CACNA1I: variants seen among roughly 807,000 people sequenced by gnomAD.
The protein encoded by CACNA1I is calcium voltage-gated channel subunit alpha1 I.
In CACNA1I, 74 loss-of-function variants were observed where a neutral mutation model predicts 201.6. That is an observed-to-expected ratio of 0.37 (90% CI 0.30 to 0.45). CACNA1I has a LOEUF of 0.45. CACNA1I is among the 20% of genes least tolerant of loss of function. The pLI is 1.00. For synonymous variants in CACNA1I, 1,431 were observed against 1,345.2 expected, an observed-to-expected ratio of 1.06 and a Z score of -1.40; for missense variants, 2,346 against 3,138.1, an observed-to-expected ratio of 0.75 and a Z score of 6.03.
intron 15 of CACNA1I, 151 bp from the exon 16 acceptor site, chr22:39,660,957 G>T (rs1191719824): frequency 4.4e-6 from 3 of 677,366 alleles, no homozygotes; most frequent in Non-Finnish European, 7.8e-6. Context: ...GTGATGGGGT[G>T]CAACCAGGAA....
At chr22:39,618,705 C>A (rs115791065) in intron 3 of CACNA1I, among the ~76,000 whole-genome samples, 3,003 of 151,080 alleles carry the variant, frequency 0.02, 107 homozygotes, top group African/African-American at 0.068. Context: ...GTGGGAGGTG[C>A]CAGGGGAAGG....
chr22:39,609,920 G>A (rs1933337254), intron 3 of CACNA1I, among the ~76,000 whole-genome samples: 1 of 152,188 alleles, frequency 6.6e-6, no homozygotes, highest in Non-Finnish European at 1.5e-5. Context: ...GGCAGGGGCA[G>A]GGCTCTGTTG....
At chr22:39,661,003 C>T in intron 15 of CACNA1I, 105 bp from the exon 16 acceptor site, 1 of 941,380 alleles carries the variant, frequency 1.1e-6, no homozygotes, top group Non-Finnish European at 1.7e-6. Flanking sequence ...TAGAAAAGCT[C>T]TCCATTTCTG....
intron 10 of CACNA1I, among the ~76,000 whole-genome samples, chr22:39,657,635 G>C (rs541930000): frequency 6.6e-6 from 1 of 152,190 alleles, no homozygotes; most frequent in South Asian, 2.1e-4. Context: ...AGGGACTGGC[G>C]TCCTGTGAAC....
chr22:39,630,687 T>C (rs1270876822), intron 4 of CACNA1I, among the ~76,000 whole-genome samples: 2 of 152,110 alleles, frequency 1.3e-5, no homozygotes, highest in African/African-American at 4.8e-5. Flanking sequence ...TGGGCAGCAG[T>C]AACTCATGGC....
intron 5 of CACNA1I, 148 bp downstream of exon 5, chr22:39,634,872 AC>A (rs1464754285): frequency 1.4e-6 from 1 of 727,244 alleles, no homozygotes. Flanking sequence ...AAGTTAAGAC[AC>A]AAGCAGAAGT....
At chr22:39,660,160 C>T (rs374809743) in intron 14 of CACNA1I, among the ~76,000 whole-genome samples, 184 bp from the exon 15 acceptor site, 4 of 152,194 alleles carry the variant, frequency 2.6e-5, no homozygotes, top group African/African-American at 9.6e-5. Context: ...TCTGGGGATA[C>T]TTGCAGTCAG....
intron 10 of CACNA1I, among the ~76,000 whole-genome samples, chr22:39,653,415 C>T (rs990202469): frequency 6.6e-6 from 1 of 152,196 alleles, no homozygotes; most frequent in African/African-American, 2.4e-5. Flanking sequence ...GCTCGCTCGG[C>T]TCCCAGACAC....
intron 4 of CACNA1I, among the ~76,000 whole-genome samples, chr22:39,631,261 G>A (rs1279645289): frequency 6.6e-6 from 1 of 152,188 alleles, no homozygotes. Flanking sequence ...TCCTGGGTCT[G>A]TGCTCTGGGC....
Position 39,673,090 on chromosome 22 carries a change from G to A in CACNA1I, c.4783+8G>A, listed in dbSNP as rs1935418875. ...TTCTGCGCATTGCCCGAGGTGAGGG[G>A]CAAGGGGTGGGACAGGGAACGGGGA... On this transcript the variant is annotated splice_region_variant and intron_variant, in intron 28 of 36. Coordinates refer to ENST00000402142, the MANE Select transcript of CACNA1I (RefSeq NM_021096.4). The A allele has an allele frequency of 4.4e-6, 7 of 1,594,556 alleles. No individual in the cohort carries two copies. The highest frequency in any genetic ancestry group is 6.0e-6 in the Non-Finnish European group (7 of 1,168,832).
At chr22:39,632,247 C>G (rs1053503243) in intron 4 of CACNA1I, among the ~76,000 whole-genome samples, 30 of 152,306 alleles carry the variant, frequency 2.0e-4, no homozygotes, top group African/African-American at 7.0e-4. Context: ...GCTACCGGCC[C>G]TCTGTGCTTG....
In CACNA1I at chr22:39,666,995, A is replaced by G. The variant is rs1935219990; in HGVS notation, c.4104+989A>G. Among the ~76,000 whole-genome samples the G allele has an allele frequency of 1.3e-5, 2 of 152,164 alleles. No individual in the cohort carries two copies. Among genetic ancestry groups the G allele is most frequent in the African/African-American group, 2.4e-5 (1 of 41,444 alleles). On this transcript the variant is annotated intron_variant, in intron 23 of 36. Coordinates refer to ENST00000402142, the MANE Select transcript of CACNA1I (RefSeq NM_021096.4). This position sits in a 1 kb window ranked among gnomAD's most constrained non-coding sequence, Gnocchi z 4.1. ...AGTGCCAGCTCCGCCCCTTTGGAGC[A>G]TTTCTGGGTCTGCCTGGCTCTCCTG...
chr22:39,585,150 C>T (rs1399716427), intron 1 of CACNA1I, among the ~76,000 whole-genome samples: 1 of 152,180 alleles, frequency 6.6e-6, no homozygotes, highest in Non-Finnish European at 1.5e-5. Context: ...ACCTCTGCCT[C>T]CTGGGTTCAA....
At chr22:39,594,489 G>C (rs982660006) in intron 1 of CACNA1I, among the ~76,000 whole-genome samples, 1 of 152,238 alleles carries the variant, frequency 6.6e-6, no homozygotes, top group Non-Finnish European at 1.5e-5. Flanking sequence ...GGCCCTGGCA[G>C]CGACTGAAAT....
At chr22:39,582,236 A>G (rs1286002225) in intron 1 of CACNA1I, among the ~76,000 whole-genome samples, 16 of 151,816 alleles carry the variant, frequency 1.1e-4, no homozygotes, top group Non-Finnish European at 1.5e-5. Flanking sequence ...CAGGCAAGTA[A>G]CCCCTCCTCT....
At chr22:39,597,912 A>G (rs954126816) in intron 1 of CACNA1I, among the ~76,000 whole-genome samples, 7 of 152,028 alleles carry the variant, frequency 4.6e-5, no homozygotes, top group African/African-American at 1.7e-4. Flanking sequence ...TGGGGCAAGG[A>G]GTGGGGTCCT....
chr22:39,594,659 C>A (rs1932859301), intron 1 of CACNA1I, among the ~76,000 whole-genome samples: 1 of 151,956 alleles, frequency 6.6e-6, no homozygotes, highest in Admixed American at 6.6e-5. Flanking sequence ...AACCAGGTCA[C>A]CTCTCCCACT....
At position 39,679,728 on chromosome 22, in the gene CACNA1I, C is replaced by A. The variant is rs56656729; in HGVS notation, c.5401C>A (p.Leu1801Met). Residue 1801 changes from leucine to methionine, a missense_variant, in exon 33 of 37, where the codon CTG becomes ATG. Around this residue, in one of 13 missense-constraint regions of CACNA1I, gnomAD observed 441 missense variants for 555.6 expected, o/e 0.79. Transcript: ENST00000402142. ...RRCYSPAQEN[L>M]WLDSVSLIIK... The stretch of plus-strand genomic sequence containing the variant: ...CCCGTCCCCGTCCGCCTAGGAGAAC[C>A]TGTGGCTGGACAGCGTCTCTTTAAT... 18,538 of 1,611,846 alleles carry A rather than the reference C, an allele frequency of 0.012. 128 individuals are homozygous for A. The highest frequency in any genetic ancestry group is 0.013 in the Non-Finnish European group (15,906 of 1,179,096).
chr22:39,667,726 T>C (rs1444685300), intron 23 of CACNA1I, among the ~76,000 whole-genome samples: 2 of 152,034 alleles, frequency 1.3e-5, no homozygotes, highest in Non-Finnish European at 2.9e-5. Flanking sequence ...AGAGGAGTTA[T>C]TACCATTTTA....
Sources: allele counts gnomAD v4.1 joint callset (sites outside exome capture counted in the v4.1 genomes callset), GRCh38; gene constraint gnomAD v4.1.1; regional missense constraint gnomAD v4.1.1; non-coding constraint Gnocchi (gnomAD v3.1); transcripts MANE v1.5; gene names NCBI Gene and HGNC (gene_info 2026-07-23, HGNC 2026-07-21).